TTLL5: variants seen among roughly 807,000 people sequenced by gnomAD.
TTLL5 encodes tubulin polyglutamylase TTLL5.
TTLL5 carries 132 observed loss-of-function variants against 168.4 expected under a neutral mutation model. That is an observed-to-expected ratio of 0.78 (90% CI 0.68 to 0.91). The LOEUF is 0.91. TTLL5 is among the 40% of genes least tolerant of loss of function. The pLI is 0.00. For synonymous variants in TTLL5, 546 were observed against 558.6 expected, an observed-to-expected ratio of 0.98 and a Z score of 0.32; for missense variants, 1,545 against 1,581.5, an observed-to-expected ratio of 0.98 and a Z score of 0.39.
intron 6 of TTLL5, among the ~76,000 whole-genome samples, chr14:75,694,289 A>G (rs1316339972): frequency 1.3e-5 from 2 of 152,252 alleles, no homozygotes; most frequent in African/African-American, 4.8e-5. Flanking sequence ...TGATATTTAG[A>G]ATTTCAAGAA....
chr14:75,717,983 A>G, intron 10 of TTLL5, 21 bp downstream of exon 10: 1 of 1,608,174 alleles, frequency 6.2e-7, no homozygotes, highest in East Asian at 2.2e-5. Context: ...TGTCTGAGCC[A>G]GAAGTCAGAG....
chr14:75,906,708 C>T, intron 31 of TTLL5: 1 of 985,776 alleles, frequency 1.0e-6, no homozygotes, highest in Non-Finnish European at 1.2e-6. Context: ...ATATTTTTAT[C>T]ATTTTCACTT....
chr14:75,940,371 G>A (rs1444946180), intron 31 of TTLL5, among the ~76,000 whole-genome samples: 4 of 152,024 alleles, frequency 2.6e-5, no homozygotes, highest in South Asian at 2.1e-4. Context: ...GAGCCACCGC[G>A]CCCGGCCGAA....
intron 26 of TTLL5, among the ~76,000 whole-genome samples, chr14:75,785,684 T>C (rs1892326259): frequency 6.6e-6 from 1 of 152,248 alleles, no homozygotes; most frequent in South Asian, 2.1e-4. Context: ...ATTATAAATG[T>C]AAAAGTTTAT....
At chr14:75,788,971 A>C (rs1162639323) in intron 26 of TTLL5, among the ~76,000 whole-genome samples, 1 of 152,196 alleles carries the variant, frequency 6.6e-6, no homozygotes, top group Non-Finnish European at 1.5e-5. Context: ...ATCATTTGCC[A>C]TGTAAATATA....
rs574531271 is a variant in TTLL5, at chr14:75,943,487, A to AATTATAAATTT, written c.3824-10937_3824-10936insATTATAAATTT. Among the ~76,000 whole-genome samples the AATTATAAATTT allele has an allele frequency of 7.4e-3, 1,121 of 152,316 alleles. 15 individuals are homozygous for AATTATAAATTT. The highest frequency in any genetic ancestry group is 0.025 in the African/African-American group (1,042 of 41,558). ...TCTCCCCTGGTAATTTATAACCACA[A>AATTATAAATTT]GCTGGACCCCTTGTAAGCTTGGGCA... is the stretch of plus-strand genomic sequence containing the variant. On this transcript the variant is annotated intron_variant, in intron 31 of 31. Coordinates refer to ENST00000298832, the MANE Select transcript of TTLL5 (RefSeq NM_015072.5).
intron 28 of TTLL5, among the ~76,000 whole-genome samples, chr14:75,842,043 T>C (rs1046113534): frequency 6.6e-6 from 1 of 152,220 alleles, no homozygotes; most frequent in Non-Finnish European, 1.5e-5. Context: ...CTAAGCCGTA[T>C]CCTGATGAGG....
chr14:75,712,814 G>A (rs564217564), intron 9 of TTLL5, among the ~76,000 whole-genome samples: 21 of 151,998 alleles, frequency 1.4e-4, no homozygotes, highest in African/African-American at 4.3e-4. Context: ...ATTAGAAAGC[G>A]AAAAGGAAAT....
chr14:75,727,772 A>G, intron 12 of TTLL5: 3 of 471,750 alleles, frequency 6.4e-6, no homozygotes, highest in Non-Finnish European at 1.3e-5. Context: ...AAGAGTATAT[A>G]CCATATGATT....
chr14:75,850,808 T>C (rs569342536), intron 28 of TTLL5, among the ~76,000 whole-genome samples: 1 of 152,074 alleles, frequency 6.6e-6, no homozygotes, highest in East Asian at 1.9e-4. Context: ...TTAAATATAA[T>C]AGAATTTAAC....
chr14:75,903,170 T>G (rs75981093), intron 31 of TTLL5, among the ~76,000 whole-genome samples: 3,679 of 152,272 alleles, frequency 0.024, 81 homozygotes, highest in East Asian at 0.06. Flanking sequence ...CAAACTTGTC[T>G]GAAGTCTCAC....
intron 29 of TTLL5, among the ~76,000 whole-genome samples, chr14:75,869,639 T>C (rs1315637195): frequency 2.0e-5 from 3 of 152,076 alleles, no homozygotes; most frequent in African/African-American, 7.2e-5. Context: ...TAACTTTCTC[T>C]GTGTCACATA....
At position 75,820,022 on chromosome 14, in the gene TTLL5, T is replaced by C. The variant is rs144549986; in HGVS notation, c.3187T>C (p.Leu1063=). 3.2e-5 allele frequency: 51 copies of C among 1,601,394 alleles called. No homozygotes were observed. The highest frequency in any genetic ancestry group is 4.3e-5 in the Non-Finnish European group (51 of 1,175,082). ...LLTQQVTNLN[L]ATGIINRSSA... ...TTATTTCTAGGTAACAAACCTGAATTTGGCAACTGGCATCATAAACAGAAG... is the reference window on the plus strand; with the variant it reads ...TTATTTCTAGGTAACAAACCTGAATCTGGCAACTGGCATCATAAACAGAAG... The change falls in exon 28 of 32, where the codon TTG becomes CTG. Residue 1063 remains leucine (L), a synonymous_variant. Coordinates refer to ENST00000298832, the MANE Select transcript of TTLL5 (RefSeq NM_015072.5).
At chr14:75,689,905 G>T in intron 5 of TTLL5, 1 of 289,800 alleles carries the variant, frequency 3.5e-6, no homozygotes, top group Non-Finnish European at 6.4e-6. Context: ...CTTGATTGTG[G>T]TGGTGGTTAC....
chr14:75,872,901 A>T (rs1324751510), intron 29 of TTLL5, among the ~76,000 whole-genome samples: 23 of 116,498 alleles, frequency 2.0e-4, no homozygotes, highest in African/African-American at 7.5e-4. Context: ...AACAAGGGTG[A>T]AACTCCATCT....
At chr14:75,773,059 C>T (rs1169339708) in intron 21 of TTLL5, among the ~76,000 whole-genome samples, 1 of 152,102 alleles carries the variant, frequency 6.6e-6, no homozygotes, top group Non-Finnish European at 1.5e-5. Flanking sequence ...TCAGTGGTGA[C>T]CTTATTGTAA....
chr14:75,751,483 G>A (rs1234165239), intron 17 of TTLL5, among the ~76,000 whole-genome samples: 1 of 152,214 alleles, frequency 6.6e-6, no homozygotes, highest in Non-Finnish European at 1.5e-5. Context: ...AGTGTCTACA[G>A]TGCAGAGACG....
At position 75,670,154 on chromosome 14, in the gene TTLL5, C is replaced by T. The variant is rs75797393; in HGVS notation, c.181+632C>T. 9.7e-4 allele frequency among the ~76,000 whole-genome samples: 148 copies of T among 152,272 alleles called. 2 individuals are homozygous for T. The Middle Eastern group carries it at 0.014, about 14-fold the overall frequency. On this transcript the variant is annotated intron_variant, in intron 3 of 31. Transcript: ENST00000298832. ...TGCTAATGAATGCATTCCAATGATA[C>T]ACCACATTTTGTTTATCCAGTCATC...
intron 30 of TTLL5, among the ~76,000 whole-genome samples, chr14:75,892,677 C>T (rs984413697): frequency 2.6e-5 from 4 of 152,020 alleles, no homozygotes; most frequent in Admixed American, 1.3e-4. Context: ...GGTTGAAAAC[C>T]CTGCACTGAA....
Sources: allele counts gnomAD v4.1 joint callset (sites outside exome capture counted in the v4.1 genomes callset), GRCh38; gene constraint gnomAD v4.1.1; transcripts MANE v1.5; gene names NCBI Gene and HGNC (gene_info 2026-07-23, HGNC 2026-07-21).